BNC2: variants seen among roughly 807,000 people sequenced by gnomAD.
The protein encoded by BNC2 is basonuclin zinc finger protein 2, also known as zinc finger protein basonuclin-2.
Under a neutral mutation model 76.3 loss-of-function variants are expected in BNC2, and 20 were observed. The observed-to-expected ratio is 0.26, with a 90% confidence interval of 0.18 to 0.38. The LOEUF (loss-of-function observed/expected upper bound fraction) is 0.38, where lower values mean the gene tolerates loss of function less well. BNC2 is among the 10% of genes least tolerant of loss of function. The pLI is 1.00. For missense variants in BNC2, 1,382 were observed against 1,399.8 expected, an observed-to-expected ratio of 0.99 and a Z score of 0.20; for synonymous variants, 582 against 514.8, an observed-to-expected ratio of 1.13 and a Z score of -1.77.
At chr9:16,561,862 A>C (rs1819026743) in intron 4 of BNC2, among the ~76,000 whole-genome samples, 1 of 151,710 alleles carries the variant, frequency 6.6e-6, no homozygotes, top group Non-Finnish European at 1.5e-5. Context: ...AAATTAGCTG[A>C]GCATGGTGGC....
At chr9:16,472,769 G>A (rs1821852512) in intron 5 of BNC2, among the ~76,000 whole-genome samples, 1 of 152,232 alleles carries the variant, frequency 6.6e-6, no homozygotes, top group South Asian at 2.1e-4. Context: ...AAAGGTTAAT[G>A]TTGGAAGTTA....
intron 5 of BNC2, among the ~76,000 whole-genome samples, chr9:16,486,211 A>C (rs1822161376): frequency 6.6e-6 from 1 of 152,208 alleles, no homozygotes; most frequent in African/African-American, 2.4e-5. Context: ...GCCTCTGATG[A>C]TCCTGGCCTC....
intron 4 of BNC2, among the ~76,000 whole-genome samples, chr9:16,577,609 G>C (rs1192567412): frequency 6.6e-6 from 1 of 151,990 alleles, no homozygotes; most frequent in African/African-American, 2.4e-5. Context: ...AAAAAAATCA[G>C]GAGTTTGGAG....
intron 5 of BNC2, among the ~76,000 whole-genome samples, chr9:16,507,530 G>C (rs1030866438): frequency 1.3e-5 from 2 of 152,084 alleles, no homozygotes; most frequent in Admixed American, 6.5e-5. Flanking sequence ...CCGGGTTCAA[G>C]CGATTCTCCT....
chr9:16,779,994 T>C (rs1447027690), intron 1 of BNC2, among the ~76,000 whole-genome samples: 1 of 151,424 alleles, frequency 6.6e-6, no homozygotes, highest in East Asian at 1.9e-4. Context: ...CCCAGCACTT[T>C]GGGAGGCCGA....
intron 5 of BNC2, among the ~76,000 whole-genome samples, chr9:16,532,858 T>G (rs1818024496): frequency 6.6e-6 from 1 of 152,220 alleles, no homozygotes; most frequent in African/African-American, 2.4e-5. Context: ...TGACTCATGT[T>G]GACAGGCTGA....
chr9:16,620,519 C>T (rs1350769455), intron 3 of BNC2, among the ~76,000 whole-genome samples: 1 of 152,086 alleles, frequency 6.6e-6, no homozygotes, highest in Non-Finnish European at 1.5e-5. Context: ...TCAGACAACC[C>T]AAATGATGAC....
At chr9:16,811,254 CCA>C (rs1477114847) in intron 1 of BNC2, among the ~76,000 whole-genome samples, 9 of 92,932 alleles carry the variant, frequency 9.7e-5, no homozygotes, top group Admixed American at 2.0e-4. Context: ...ACCAAAAAAA[CCA>C]CAGTGTATAG....
At chr9:16,528,251 A>G (rs1429607360) in intron 5 of BNC2, among the ~76,000 whole-genome samples, 2 of 152,214 alleles carry the variant, frequency 1.3e-5, no homozygotes, top group African/African-American at 4.8e-5. Context: ...GTTCTTGAAT[A>G]TAACTTTTTC....
intron 1 of BNC2, among the ~76,000 whole-genome samples, chr9:16,864,384 T>C (rs1032314493): frequency 1.3e-5 from 2 of 152,222 alleles, no homozygotes; most frequent in African/African-American, 2.4e-5. Flanking sequence ...AATACTGCTT[T>C]TGTCCTCTGA....
chr9:16,657,870 G>T (rs1821976208), intron 3 of BNC2, among the ~76,000 whole-genome samples: 1 of 152,126 alleles, frequency 6.6e-6, no homozygotes. Flanking sequence ...GGGATACATA[G>T]GTGTGTTGAT....
intron 1 of BNC2, among the ~76,000 whole-genome samples, chr9:16,758,032 G>A (rs1321112142): frequency 6.6e-6 from 1 of 152,160 alleles, no homozygotes; most frequent in Non-Finnish European, 1.5e-5. Context: ...GTCTCACTGG[G>A]CTAAAGTCAA....
intron 1 of BNC2, among the ~76,000 whole-genome samples, chr9:16,847,397 GGGGC>G (rs200831135): frequency 0.56 from 14,981 of 26,878 alleles, 5,969 homozygotes; most frequent in Non-Finnish European, 0.71. Flanking sequence ...AAGATTTCTC[GGGGC>G]GGGGGGGGGG....
At chr9:16,583,198 G>T (rs1347757514) in intron 3 of BNC2, 113 bp from the exon 4 acceptor site, 2 of 854,944 alleles carry the variant, frequency 2.3e-6, no homozygotes, top group African/African-American at 3.4e-5. Flanking sequence ...ATGATGGTAG[G>T]GGCCTGGAGA....
chr9:16,734,288 G>A (rs960633703), intron 2 of BNC2, among the ~76,000 whole-genome samples: 2 of 152,136 alleles, frequency 1.3e-5, no homozygotes, highest in Non-Finnish European at 2.9e-5. Context: ...CTTTGGAAAC[G>A]CCTATATTCT....
At chr9:16,607,646 T>C (rs1820422479) in intron 3 of BNC2, among the ~76,000 whole-genome samples, 1 of 152,188 alleles carries the variant, frequency 6.6e-6, no homozygotes, top group Non-Finnish European at 1.5e-5. Flanking sequence ...CATAGCATAG[T>C]GTGCTAATGT....
intron 5 of BNC2, among the ~76,000 whole-genome samples, chr9:16,458,498 T>A (rs1184380258): frequency 6.6e-6 from 1 of 152,230 alleles, no homozygotes; most frequent in Non-Finnish European, 1.5e-5. Flanking sequence ...TGTCAATTCT[T>A]GGCCTACAAA....
At chr9:16,588,882 T>C (rs1211244068) in intron 3 of BNC2, among the ~76,000 whole-genome samples, 1 of 152,166 alleles carries the variant, frequency 6.6e-6, no homozygotes. Flanking sequence ...AGTAAATATA[T>C]AGGGTACTTC....
intron 5 of BNC2, among the ~76,000 whole-genome samples, chr9:16,527,820 A>G (rs1817857587): frequency 6.6e-6 from 1 of 152,242 alleles, no homozygotes; most frequent in Non-Finnish European, 1.5e-5. Flanking sequence ...TGTCACCCAA[A>G]TGCAACGCAT....
Sources: allele counts gnomAD v4.1 joint callset (sites outside exome capture counted in the v4.1 genomes callset), GRCh38; gene constraint gnomAD v4.1.1; transcripts MANE v1.5; gene names NCBI Gene and HGNC (gene_info 2026-07-23, HGNC 2026-07-21).